FAM135B: variants seen among roughly 807,000 people sequenced by gnomAD.
FAM135B encodes the protein protein FAM135B.
In FAM135B, 43 loss-of-function variants were observed where a neutral mutation model predicts 127.7. The observed-to-expected ratio is 0.34, with a 90% CI of 0.26 to 0.43. The LOEUF is 0.43. Ranked by LOEUF, FAM135B falls within the 20% of genes least tolerant of loss-of-function variation. The pLI is 1.00. For synonymous variants in FAM135B, 670 were observed against 665.1 expected, an observed-to-expected ratio of 1.01 and a Z score of -0.11; for missense variants, 1,558 against 1,725.6, an observed-to-expected ratio of 0.90 and a Z score of 1.72.
intron 1 of FAM135B, among the ~76,000 whole-genome samples, chr8:138,464,828 G>A (rs1162407683): frequency 2.6e-5 from 4 of 152,132 alleles, no homozygotes; most frequent in Non-Finnish European, 4.4e-5. Flanking sequence ...TGCCCCCTAC[G>A]CTGGCCCTGG....
intron 1 of FAM135B, among the ~76,000 whole-genome samples, chr8:138,446,906 T>C (rs1019707653): frequency 5.3e-5 from 8 of 152,034 alleles, no homozygotes; most frequent in Non-Finnish European, 7.4e-5. Flanking sequence ...AATCTACTCA[T>C]CTGACAAAGG....
At chr8:138,158,642 G>A (rs1563706314) in intron 12 of FAM135B, among the ~76,000 whole-genome samples, 1 of 152,156 alleles carries the variant, frequency 6.6e-6, no homozygotes, top group Non-Finnish European at 1.5e-5. Context: ...GGTATGAACA[G>A]ACACTTCTCA....
At position 138,206,309 on chromosome 8, in the gene FAM135B, C is replaced by T. The variant is rs1563768643; in HGVS notation, c.670-8640G>A. The stretch of plus-strand genomic sequence containing the variant: ...CGCACAGCTCTATCATCCCCTCCAC[C>T]TACCCACAGCTCTATCATCCCCTCC... On this transcript the variant is annotated intron_variant, in intron 7 of 19. Transcript: ENST00000395297. Among the ~76,000 whole-genome samples the T allele has an allele frequency of 5.6e-4, 85 of 151,276 alleles. 1 individual carries two copies. The highest frequency in any genetic ancestry group is 2.0e-3 in the African/African-American group (81 of 41,150).
chr8:138,156,875 G>A (rs1818809548), intron 12 of FAM135B, among the ~76,000 whole-genome samples: 1 of 152,144 alleles, frequency 6.6e-6, no homozygotes, highest in Non-Finnish European at 1.5e-5. Context: ...GTACAAGGAG[G>A]AGCTGGTACC....
At chr8:138,170,930 C>G (rs1820377583) in intron 11 of FAM135B, among the ~76,000 whole-genome samples, 1 of 152,166 alleles carries the variant, frequency 6.6e-6, no homozygotes, top group African/African-American at 2.4e-5. Context: ...CTGGAATGCT[C>G]TTCCCCTGCC....
At chr8:138,279,478 T>A (rs1439567670) in intron 3 of FAM135B, among the ~76,000 whole-genome samples, 1 of 152,206 alleles carries the variant, frequency 6.6e-6, no homozygotes, top group African/African-American at 2.4e-5. Context: ...TCTATGAAGA[T>A]CTTCCCAACT....
chr8:138,226,184 T>TGTGTGTGTGTGTGTGC, intron 7 of FAM135B, among the ~76,000 whole-genome samples: 5 of 139,198 alleles, frequency 3.6e-5, no homozygotes, highest in Admixed American at 7.1e-5. Context: ...TGTGTGTGTG[T>TGTGTGTGTGTGTGTGC]GCGCGCATGT....
intron 1 of FAM135B, among the ~76,000 whole-genome samples, chr8:138,490,477 G>A (rs1334692872): frequency 6.6e-6 from 1 of 152,196 alleles, no homozygotes; most frequent in Non-Finnish European, 1.5e-5. Context: ...GGAGAACAGA[G>A]TGAGCCATGC....
intron 1 of FAM135B, among the ~76,000 whole-genome samples, chr8:138,443,889 GCTGTATT>G (rs1587468060): frequency 6.6e-6 from 1 of 152,140 alleles, no homozygotes; most frequent in African/African-American, 2.4e-5. Context: ...CCATCAATGT[GCTGTATT>G]CAGGAAACCT....
chr8:138,493,867 C>A (rs1477776377), intron 1 of FAM135B, among the ~76,000 whole-genome samples: 1 of 114,582 alleles, frequency 8.7e-6, no homozygotes, highest in African/African-American at 6.1e-5. Context: ...AGGCACAAGA[C>A]AATCAAGTGC....
chr8:138,417,654 A>G (rs1170191489), intron 1 of FAM135B, among the ~76,000 whole-genome samples: 1 of 152,214 alleles, frequency 6.6e-6, no homozygotes, highest in East Asian at 1.9e-4. Flanking sequence ...GAGAAAAAAT[A>G]TGCAGGCCTG....
chr8:138,339,469 G>A (rs2131048154), intron 2 of FAM135B, among the ~76,000 whole-genome samples: 1 of 151,662 alleles, frequency 6.6e-6, no homozygotes, highest in Non-Finnish European at 1.5e-5. Flanking sequence ...CTTCTTCCCT[G>A]AAGCTGGGCA....
chr8:138,304,127 G>C (rs1344747427), intron 3 of FAM135B, among the ~76,000 whole-genome samples: 3 of 152,104 alleles, frequency 2.0e-5, no homozygotes, highest in Admixed American at 2.0e-4. Context: ...GTACATTTCA[G>C]AGGTCCTGAG....
At chr8:138,253,386 T>C (rs1821848571) in intron 5 of FAM135B, among the ~76,000 whole-genome samples, 1 of 152,098 alleles carries the variant, frequency 6.6e-6, no homozygotes, top group Non-Finnish European at 1.5e-5. Context: ...AACATTGACT[T>C]TGGGGACTGA....
At chr8:138,401,188 C>T (rs969632847) in intron 1 of FAM135B, among the ~76,000 whole-genome samples, 1 of 152,122 alleles carries the variant, frequency 6.6e-6, no homozygotes, top group African/African-American at 2.4e-5. Context: ...TTCTCAGAGC[C>T]TTTGAGATGA....
intron 1 of FAM135B, among the ~76,000 whole-genome samples, chr8:138,385,988 A>C (rs2131305199): frequency 6.6e-6 from 1 of 152,270 alleles, no homozygotes; most frequent in South Asian, 2.1e-4. Context: ...TGGGAGCCCA[A>C]GGCAGGTGGA....
At chr8:138,434,782 C>G (rs142168665) in intron 1 of FAM135B, among the ~76,000 whole-genome samples, 2 of 152,292 alleles carry the variant, frequency 1.3e-5, no homozygotes, top group African/African-American at 4.8e-5. Context: ...ATCCCACCAG[C>G]CTCTTACAGT....
chr8:138,352,992 T>C (rs146416426), intron 2 of FAM135B, among the ~76,000 whole-genome samples: 89 of 152,288 alleles, frequency 5.8e-4, no homozygotes, highest in Non-Finnish European at 1.0e-3. Flanking sequence ...GAGTGCCAAC[T>C]ATGTTCTAGG....
intron 3 of FAM135B, among the ~76,000 whole-genome samples, chr8:138,287,899 C>A (rs1824821878): frequency 6.6e-6 from 1 of 152,166 alleles, no homozygotes; most frequent in Admixed American, 6.6e-5. Context: ...ATAATACATA[C>A]CAACAAGTTA....
Sources: allele counts gnomAD v4.1 joint callset (sites outside exome capture counted in the v4.1 genomes callset), GRCh38; gene constraint gnomAD v4.1.1; transcripts MANE v1.5; gene names NCBI Gene and HGNC (gene_info 2026-07-23, HGNC 2026-07-21).